LRRK1: variants seen among roughly 807,000 people sequenced by gnomAD.
LRRK1 encodes the protein leucine rich repeat kinase 1.
A neutral mutation model predicts 209.1 loss-of-function variants in LRRK1; 113 were observed. The ratio of observed to expected loss-of-function variants is 0.54; its 90% CI spans 0.46 to 0.63. LRRK1 has a LOEUF of 0.63. LRRK1 is among the 30% of genes least tolerant of loss of function. LRRK1 has a pLI of 0.00. For synonymous variants in LRRK1, 1,144 were observed against 1,099.7 expected, an observed-to-expected ratio of 1.04 and a Z score of -0.80; for missense variants, 2,284 against 2,632.2, an observed-to-expected ratio of 0.87 and a Z score of 2.89.
intron 23 of LRRK1, among the ~76,000 whole-genome samples, chr15:101,050,348 G>C (rs1164797479): frequency 6.6e-6 from 1 of 152,228 alleles, no homozygotes; most frequent in East Asian, 1.9e-4. Flanking sequence ...TTTGAGTGAA[G>C]TTCCTGAGGC....
chr15:100,927,190 C>T (rs975086962), intron 2 of LRRK1, among the ~76,000 whole-genome samples: 1 of 152,166 alleles, frequency 6.6e-6, no homozygotes, highest in Non-Finnish European at 1.5e-5. Flanking sequence ...CCCCAGGGAT[C>T]CCCCGTTGAT....
intron 7 of LRRK1, among the ~76,000 whole-genome samples, chr15:101,009,734 C>T (rs1355806177): frequency 1.3e-5 from 2 of 152,108 alleles, no homozygotes; most frequent in African/African-American, 4.8e-5. Flanking sequence ...ATTACAGGCA[C>T]ATGCCACCAC....
chr15:101,008,982 A>G lies in LRRK1; in HGVS notation c.908A>G (p.Asn303Ser), dbSNP rs776656740. 292 of 1,614,024 alleles carry G rather than the reference A, an allele frequency of 1.8e-4. 4 individuals carry two copies. The South Asian group carries it at 1.8e-3, about 10-fold the overall frequency. The change falls in exon 7 of 34, where the codon AAT (asparagine) becomes AGT (serine). Residue 303 changes from asparagine to serine, a missense_variant. Transcript: ENST00000388948. The stretch of plus-strand genomic sequence containing the variant: ...TCGGTTATCCCCTGGGGCCTCATCA[A>G]TCTCCGGAAGCTGAACCTCTCCGAC... ...LPSVIPWGLI[N>S]LRKLNLSDNH...
intron 2 of LRRK1, among the ~76,000 whole-genome samples, chr15:100,970,114 T>C (rs1308598337): frequency 2.0e-5 from 3 of 152,200 alleles, no homozygotes; most frequent in African/African-American, 7.2e-5. Context: ...GGTCTCGTAC[T>C]CCTGGCCTCA....
At position 101,056,713 on chromosome 15, in the gene LRRK1, G is replaced by A. The variant is rs137933411; in HGVS notation, c.4333-143G>A. 8.1e-4 allele frequency: 477 copies of A among 590,330 alleles called. 2 individuals are homozygous for A. The highest frequency in any genetic ancestry group is 8.1e-3 in the African/African-American group (426 of 52,750). The allele number at this position is 590,330 out of a possible 1,614,324, so 36.6% of individuals were successfully genotyped here. A position where few individuals can be genotyped will look rare whatever the true frequency, so the allele number is the denominator to read the frequency against. The stretch of plus-strand genomic sequence containing the variant: ...TGGTCAGATAGGTGGATGGATAAAT[G>A]GATAGAGGGACATGGTCAGGTGGTT... On this transcript the variant is annotated intron_variant, in intron 27 of 33. Coordinates refer to ENST00000388948, the MANE Select transcript of LRRK1 (RefSeq NM_024652.6).
At chr15:100,929,545 C>T (rs1003026062) in intron 2 of LRRK1, among the ~76,000 whole-genome samples, 2 of 152,158 alleles carry the variant, frequency 1.3e-5, no homozygotes, top group Non-Finnish European at 2.9e-5. Context: ...TCCTGCCTTC[C>T]AGAAATAGAA....
intron 10 of LRRK1, among the ~76,000 whole-genome samples, chr15:101,014,031 C>T (rs2033413813): frequency 6.6e-6 from 1 of 152,136 alleles, no homozygotes; most frequent in South Asian, 2.1e-4. Flanking sequence ...TCTTAAGAAT[C>T]CTTAATGCTG....
intron 2 of LRRK1, among the ~76,000 whole-genome samples, chr15:100,950,339 A>T (rs972131571): frequency 1.2e-4 from 19 of 152,384 alleles, no homozygotes; most frequent in Non-Finnish European, 2.5e-4. Context: ...GAAAGAAGTT[A>T]AAAAGAACCT....
chr15:101,072,073 G>C lies in LRRK1; in HGVS notation c.*3225G>C, dbSNP rs1332969514. 1 of 152,218 alleles carries C rather than the reference G, an allele frequency of 6.6e-6. No homozygotes were observed. Among genetic ancestry groups the C allele is most frequent in the Non-Finnish European group, 1.5e-5 (1 of 68,042 alleles). 9.4% of individuals were successfully genotyped at this position (152,218 alleles called of 1,614,324 possible). On this transcript the variant is annotated 3_prime_UTR_variant, in exon 34 of 34. Coordinates refer to ENST00000388948, the MANE Select transcript of LRRK1 (RefSeq NM_024652.6). ...CGGAAGCTCCTGGCAGTTTTAAGCA[G>C]GATTATTAGATGATTCAGTCAACTT...
rs1191498089 is a variant in LRRK1 at position 101,069,528 on chromosome 15, A to G, written c.*680A>G. On this transcript the variant is annotated 3_prime_UTR_variant, in exon 34 of 34. Transcript: ENST00000388948. ...GCCCAGAGGCACACAGTCCGAGTGC[A>G]CCCGCTTAGCCTTTACATTCCTCTC... is the stretch of plus-strand genomic sequence containing the variant. 1.3e-5 allele frequency: 2 copies of G among 152,738 alleles called. No homozygotes were observed. The highest frequency in any genetic ancestry group is 4.8e-5 in the African/African-American group (2 of 41,554). 9.5% of individuals were successfully genotyped at this position (152,738 alleles called of 1,614,324 possible). A position where few individuals can be genotyped will look rare whatever the true frequency, so the allele number is the denominator to read the frequency against.
At chr15:101,026,519 C>G (rs1358027505) in intron 17 of LRRK1, among the ~76,000 whole-genome samples, 1 of 152,218 alleles carries the variant, frequency 6.6e-6, no homozygotes, top group South Asian at 2.1e-4. Flanking sequence ...TCCATTGGGT[C>G]TGAGTGGTCC....
At chr15:100,929,633 C>G (rs943643411) in intron 2 of LRRK1, among the ~76,000 whole-genome samples, 1 of 152,194 alleles carries the variant, frequency 6.6e-6, no homozygotes, top group Non-Finnish European at 1.5e-5. Context: ...GGAAAGTCTA[C>G]GAGGGACAGA....
At chr15:101,045,084 T>C (rs998905343) in intron 20 of LRRK1, among the ~76,000 whole-genome samples, 1 of 152,216 alleles carries the variant, frequency 6.6e-6, no homozygotes, top group East Asian at 1.9e-4. Flanking sequence ...TGTATACCCA[T>C]GTGTCAGAGC....
intron 4 of LRRK1, 180 bp downstream of exon 4, chr15:100,983,879 A>G (rs1447509087): frequency 5.2e-6 from 4 of 762,430 alleles, no homozygotes; most frequent in African/African-American, 3.4e-5. Context: ...TCTCACTCCC[A>G]TGAACTCATA....
rs558910847 is a variant in LRRK1 at position 101,076,050 on chromosome 15, C to T, written c.*7202C>T. The T allele has an allele frequency of 3.3e-5, 5 of 152,208 alleles. No homozygotes were observed. The highest frequency in any genetic ancestry group is 1.2e-4 in the African/African-American group (5 of 41,448). 9.4% of individuals were successfully genotyped at this position (152,208 alleles called of 1,614,324 possible). A position where few individuals can be genotyped will look rare whatever the true frequency, so the allele number is the denominator to read the frequency against. On this transcript the variant is annotated 3_prime_UTR_variant, in exon 34 of 34. Coordinates refer to ENST00000388948, the MANE Select transcript of LRRK1 (RefSeq NM_024652.6). ...ATCTCCCAAACCCCAACCCCTTCTA[C>T]AAAACAAGAACTCCTTTCCTTCCTA...
chr15:101,040,278 A>T (rs189314178), intron 20 of LRRK1, among the ~76,000 whole-genome samples: 1 of 150,546 alleles, frequency 6.6e-6, no homozygotes, highest in Non-Finnish European at 1.5e-5. Flanking sequence ...TTGGTAAGTT[A>T]TTTTTTTTTC....
At chr15:101,039,794 G>C (rs973639197) in intron 20 of LRRK1, among the ~76,000 whole-genome samples, 1 of 152,140 alleles carries the variant, frequency 6.6e-6, no homozygotes, top group African/African-American at 2.4e-5. Flanking sequence ...TATCATAAAT[G>C]GGTACTGAAT....
intron 8 of LRRK1, 26 bp from the exon 9 acceptor site, chr15:101,010,648 C>A (rs2141693701): frequency 6.7e-7 from 1 of 1,496,238 alleles, no homozygotes; most frequent in African/African-American, 2.0e-5. Context: ...CCAATTCATA[C>A]TTTGGGTCTT....
intron 31 of LRRK1, among the ~76,000 whole-genome samples, chr15:101,063,398 G>A (rs1025188124): frequency 1.3e-5 from 2 of 152,140 alleles, no homozygotes; most frequent in Admixed American, 6.5e-5. Flanking sequence ...GCCCCTCCAC[G>A]CACCTCTTCC....
Sources: gnomAD v4.1 joint callset for allele counts (sites outside exome capture counted in the v4.1 genomes callset) on GRCh38, gnomAD v4.1.1 for gene constraint, MANE v1.5 for transcripts, NCBI Gene and HGNC (gene_info 2026-07-23, HGNC 2026-07-21) for gene names.